The following SOX5 variants were observed in gnomAD, a reference collection of about 807,000 sequenced individuals.
SOX5 encodes SRY-box transcription factor 5.
Under a neutral mutation model 92.0 loss-of-function variants are expected in SOX5, and 9 were observed. The ratio of observed to expected loss-of-function variants is 0.10; its 90% CI spans 0.06 to 0.17. The LOEUF (loss-of-function observed/expected upper bound fraction) is 0.17. Among genes scored for constraint, SOX5 ranks in the 10% least tolerant of loss-of-function variants. SOX5 has a pLI of 1.00. For synonymous variants in SOX5, 344 were observed against 336.3 expected, an observed-to-expected ratio of 1.02 and a Z score of -0.25; for missense variants, 642 against 944.5, an observed-to-expected ratio of 0.68 and a Z score of 4.20.
chr12:24,122,770 A>AGG, intron 4 of SOX5, among the ~76,000 whole-genome samples: 1 of 152,204 alleles, frequency 6.6e-6, no homozygotes, highest in Non-Finnish European at 1.5e-5. Flanking sequence ...CTTTCCTGAA[A>AGG]AATATGAAAA....
intron 3 of SOX5, among the ~76,000 whole-genome samples, chr12:24,253,511 G>GATGGAA (rs1461153673): frequency 6.6e-6 from 1 of 152,072 alleles, no homozygotes; most frequent in African/African-American, 2.4e-5. Context: ...TTAAAGCAAA[G>GATGGAA]ATGGAAACGG....
chr12:24,331,743 G>C (rs570731023), intron 2 of SOX5, among the ~76,000 whole-genome samples: 14 of 151,284 alleles, frequency 9.3e-5, no homozygotes, highest in Admixed American at 4.6e-4. Context: ...AGCTACTTGG[G>C]AGGCTGAGGC....
intron 3 of SOX5, among the ~76,000 whole-genome samples, chr12:23,795,674 G>T (rs1318772898): frequency 1.3e-5 from 2 of 152,084 alleles, no homozygotes; most frequent in Admixed American, 1.3e-4. Context: ...AGTTTTGTGG[G>T]TAGGACTAGC....
In SOX5 at chr12:23,662,084, G is replaced by A. The variant is rs568243798; in HGVS notation, c.931+3360C>T. The stretch of plus-strand genomic sequence containing the variant: ...AATGAAGCTGACTGATTAAACCAGT[G>A]TTTTCATGTAATTATTTTCAAGTTC... On this transcript the variant is annotated intron_variant, in intron 7 of 14. Coordinates refer to ENST00000451604, the MANE Select transcript of SOX5 (RefSeq NM_006940.6). 7.9e-5 allele frequency among the ~76,000 whole-genome samples: 12 copies of A among 151,922 alleles called. No individual in the cohort carries two copies. In the South Asian group the frequency reaches 2.5e-3, roughly 32 times the overall value.
intron 4 of SOX5, among the ~76,000 whole-genome samples, chr12:24,039,591 GTAGT>G (rs777803920): frequency 6.6e-6 from 1 of 152,140 alleles, no homozygotes; most frequent in Non-Finnish European, 1.5e-5. Context: ...TATACCTGAG[GTAGT>G]TAAAGTTCAA....
At chr12:23,536,074 A>G (rs1940359344) in intron 14 of SOX5, among the ~76,000 whole-genome samples, 1 of 152,178 alleles carries the variant, frequency 6.6e-6, no homozygotes, top group African/African-American at 2.4e-5. Flanking sequence ...TTTTGAAATG[A>G]TTTTTATTTT....
At chr12:23,834,201 G>A (rs1167164874) in intron 3 of SOX5, among the ~76,000 whole-genome samples, 2 of 151,778 alleles carry the variant, frequency 1.3e-5, no homozygotes, top group Admixed American at 1.3e-4. Flanking sequence ...GCAGTGGAAC[G>A]GCATATAAAA....
At chr12:24,040,036 T>TA (rs34530725) in intron 4 of SOX5, among the ~76,000 whole-genome samples, 7,593 of 152,258 alleles carry the variant, frequency 0.05, 256 homozygotes, top group Middle Eastern at 0.088. Flanking sequence ...AATTCTAAAT[T>TA]ACTTAAAAAT....
At chr12:23,816,808 TTAA>T in intron 3 of SOX5, among the ~76,000 whole-genome samples, 1 of 152,242 alleles carries the variant, frequency 6.6e-6, no homozygotes, top group Admixed American at 6.5e-5. Context: ...TATGCCCACT[TTAA>T]TACAGGTCTC....
chr12:23,717,964 T>C lies in SOX5; in HGVS notation c.810+16720A>G, dbSNP rs541794349. 1.6e-4 allele frequency among the ~76,000 whole-genome samples: 24 copies of C among 152,348 alleles called. 1 individual carries two copies. Among genetic ancestry groups the C allele is most frequent in the African/African-American group, 5.5e-4 (23 of 41,580 alleles). On this transcript the variant is annotated intron_variant, in intron 6 of 14. Coordinates refer to ENST00000451604, the MANE Select transcript of SOX5 (RefSeq NM_006940.6). ...TGATTTTAATAGAGAAAAACTATAATGTTTGCCTTATTGCCTAGATGATAG... is the reference window on the plus strand; with the variant it reads ...TGATTTTAATAGAGAAAAACTATAACGTTTGCCTTATTGCCTAGATGATAG...
intron 4 of SOX5, among the ~76,000 whole-genome samples, chr12:23,748,236 T>C (rs1441631644): frequency 6.6e-6 from 1 of 152,018 alleles, no homozygotes; most frequent in Non-Finnish European, 1.5e-5. Context: ...ATTTCCAGTA[T>C]CTATAGAATA....
chr12:23,727,407 G>A (rs1189429311), intron 6 of SOX5, among the ~76,000 whole-genome samples: 1 of 152,106 alleles, frequency 6.6e-6, no homozygotes, highest in African/African-American at 2.4e-5. Flanking sequence ...GATTCTGGAG[G>A]TTTTATTTAA....
At chr12:24,270,725 T>TAGTCTTC in intron 3 of SOX5, among the ~76,000 whole-genome samples, 1 of 152,306 alleles carries the variant, frequency 6.6e-6, no homozygotes, top group African/African-American at 2.4e-5. Flanking sequence ...CACTAGTATT[T>TAGTCTTC]CTTGCTTGTC....
intron 1 of SOX5, among the ~76,000 whole-genome samples, chr12:24,516,008 GT>G (rs887355636): frequency 5.4e-5 from 8 of 148,520 alleles, no homozygotes; most frequent in African/African-American, 2.0e-4. Context: ...ACATGGAGTA[GT>G]TTTTTCTTGG....
chr12:24,102,117 G>C (rs1050856700), intron 4 of SOX5, among the ~76,000 whole-genome samples: 2 of 152,112 alleles, frequency 1.3e-5, no homozygotes, highest in Non-Finnish European at 2.9e-5. Context: ...GTTTTGGCTA[G>C]AATTAGTCAG....
intron 3 of SOX5, among the ~76,000 whole-genome samples, chr12:24,251,667 G>A (rs1940085787): frequency 6.6e-6 from 1 of 151,668 alleles, no homozygotes; most frequent in Admixed American, 6.6e-5. Context: ...TGCCTCCTGG[G>A]TTCAAGCGAT....
chr12:23,692,696 G>T (rs1219968300), intron 6 of SOX5, among the ~76,000 whole-genome samples: 1 of 152,020 alleles, frequency 6.6e-6, no homozygotes, highest in Non-Finnish European at 1.5e-5. Flanking sequence ...TCAAATATTC[G>T]GTATTTTTAA....
intron 9 of SOX5, among the ~76,000 whole-genome samples, chr12:23,590,758 T>C (rs549650279): frequency 7.8e-4 from 119 of 152,166 alleles, no homozygotes; most frequent in Non-Finnish European, 4.3e-4. Context: ...TGTTTTGACA[T>C]CTTCTAAAAG....
At chr12:24,164,839 A>G (rs1953201732) in intron 4 of SOX5, among the ~76,000 whole-genome samples, 1 of 152,136 alleles carries the variant, frequency 6.6e-6, no homozygotes, top group Admixed American at 6.6e-5. Context: ...TTTCAAAAAA[A>G]GAATTCTTCT....
Sources: allele counts gnomAD v4.1 joint callset (sites outside exome capture counted in the v4.1 genomes callset), GRCh38; gene constraint gnomAD v4.1.1; transcripts MANE v1.5; gene names NCBI Gene and HGNC (gene_info 2026-07-23, HGNC 2026-07-21).